Variants in CDH13 observed in about 807,000 individuals in gnomAD.
The protein encoded by CDH13 is cadherin 13, also known as cadherin-13.
In CDH13, 24 loss-of-function variants were observed where a neutral mutation model predicts 63.8. The ratio of observed to expected loss-of-function variants is 0.38; its 90% CI spans 0.27 to 0.53. The LOEUF is 0.53. Ranked by LOEUF, CDH13 falls within the 20% of genes least tolerant of loss-of-function variation. CDH13 has a pLI of 0.85. For missense variants in CDH13, 1,049 were observed against 903.1 expected (o/e 1.16, Z -2.07); for synonymous variants, 503 against 355.3 (o/e 1.42, Z -4.67).
intron 2 of CDH13, among the ~76,000 whole-genome samples, chr16:82,939,579 C>G (rs1472271563): frequency 6.6e-6 from 1 of 152,112 alleles, no homozygotes; most frequent in Non-Finnish European, 1.5e-5. Context: ...TACACTCTTT[C>G]AAGTATGGGT....
At chr16:83,660,367 A>G (rs1053140198) in intron 8 of CDH13, among the ~76,000 whole-genome samples, 1 of 152,184 alleles carries the variant, frequency 6.6e-6, no homozygotes, top group Admixed American at 6.5e-5. Flanking sequence ...CTCATGAGGA[A>G]TACACAACCT....
At chr16:82,666,148 A>C (rs1368726932) in intron 1 of CDH13, among the ~76,000 whole-genome samples, 1 of 152,066 alleles carries the variant, frequency 6.6e-6, no homozygotes, top group East Asian at 1.9e-4. Context: ...TTTTTTTGCC[A>C]AAAAATATAG....
chr16:83,482,832 A>C (rs149516204), intron 6 of CDH13, among the ~76,000 whole-genome samples: 128 of 152,330 alleles, frequency 8.4e-4, no homozygotes, highest in African/African-American at 3.0e-3. Flanking sequence ...GGGTGGGAGA[A>C]GGGACCCGGT....
At position 82,912,550 on chromosome 16, in the gene CDH13, C is replaced by T. The variant is rs568090682; in HGVS notation, c.157+54077C>T. Reference sequence around the variant, plus strand: ...GATGACTATGACAGGTGGGAAAGTACATAAAATAATGTGATTGAAATACTC... The same window carrying T: ...GATGACTATGACAGGTGGGAAAGTATATAAAATAATGTGATTGAAATACTC... On this transcript the variant is annotated intron_variant, in intron 2 of 13. Coordinates refer to ENST00000567109, the MANE Select transcript of CDH13 (RefSeq NM_001257.5). Among the ~76,000 whole-genome samples, 87 of 152,308 alleles carry T rather than the reference C, an allele frequency of 5.7e-4. 1 individual carries two copies. Among genetic ancestry groups the T allele is most frequent in the South Asian group, 4.6e-3 (22 of 4,830 alleles).
chr16:83,713,586 A>G (rs539594978), intron 10 of CDH13, among the ~76,000 whole-genome samples: 4 of 152,228 alleles, frequency 2.6e-5, no homozygotes, highest in African/African-American at 9.6e-5. Context: ...CACAAATGGT[A>G]TGTTCATCTA....
At chr16:83,257,243 G>C (rs1906406065) in intron 5 of CDH13, among the ~76,000 whole-genome samples, 1 of 151,832 alleles carries the variant, frequency 6.6e-6, no homozygotes, top group Non-Finnish European at 1.5e-5. Context: ...CACAGGCGAA[G>C]AGGAGAGAAA....
intron 3 of CDH13, among the ~76,000 whole-genome samples, chr16:83,116,467 A>G (rs551402245): frequency 3.3e-5 from 5 of 152,312 alleles, no homozygotes; most frequent in Admixed American, 6.5e-5. Context: ...CACACTCCTG[A>G]CCAGTCAGTG....
chr16:82,817,817 G>GAAA (rs762030378), intron 1 of CDH13, among the ~76,000 whole-genome samples: 14 of 152,034 alleles, frequency 9.2e-5, no homozygotes, highest in African/African-American at 3.1e-4. Flanking sequence ...AAAATCAAAT[G>GAAA]AAAAACCACA....
At chr16:83,633,729 A>G (rs932736690) in intron 8 of CDH13, among the ~76,000 whole-genome samples, 4 of 152,092 alleles carry the variant, frequency 2.6e-5, no homozygotes, top group African/African-American at 7.2e-5. Flanking sequence ...CAAAATCACT[A>G]TTTATTGCCC....
At chr16:83,094,616 T>G (rs1028871416) in intron 3 of CDH13, among the ~76,000 whole-genome samples, 1 of 152,188 alleles carries the variant, frequency 6.6e-6, no homozygotes, top group Non-Finnish European at 1.5e-5. Context: ...TTTATAGCTG[T>G]CAGCCTCCAA....
chr16:83,140,961 A>T (rs1040457534), intron 4 of CDH13, among the ~76,000 whole-genome samples: 1 of 152,208 alleles, frequency 6.6e-6, no homozygotes, highest in Non-Finnish European at 1.5e-5. Flanking sequence ...CTATTGATGC[A>T]CAATTGCTAA....
At chr16:82,926,537 T>A (rs2042309053) in intron 2 of CDH13, among the ~76,000 whole-genome samples, 1 of 152,226 alleles carries the variant, frequency 6.6e-6, no homozygotes, top group African/African-American at 2.4e-5. Context: ...CTGAAGCTCA[T>A]TCTTGTTGAG....
At chr16:82,815,991 C>A (rs1450964806) in intron 1 of CDH13, among the ~76,000 whole-genome samples, 1 of 152,068 alleles carries the variant, frequency 6.6e-6, no homozygotes, top group Non-Finnish European at 1.5e-5. Flanking sequence ...AAATGTATTA[C>A]CAAGTATGTG....
chr16:83,277,337 G>C (rs2089023909), intron 5 of CDH13, among the ~76,000 whole-genome samples: 1 of 152,158 alleles, frequency 6.6e-6, no homozygotes, highest in Non-Finnish European at 1.5e-5. Flanking sequence ...GTTCTCCAAA[G>C]TATGGGGAGT....
chr16:82,905,432 C>CGTGTGTGTGT (rs140795057), intron 2 of CDH13, among the ~76,000 whole-genome samples: 35 of 143,530 alleles, frequency 2.4e-4, no homozygotes, highest in African/African-American at 7.2e-4. Flanking sequence ...ATGAATCACA[C>CGTGTGTGTGT]GTGTGTGTGT....
chr16:82,857,417 G>T (rs1460647862), intron 1 of CDH13, among the ~76,000 whole-genome samples: 1 of 152,164 alleles, frequency 6.6e-6, no homozygotes, highest in East Asian at 1.9e-4. Context: ...ACCAGTGGTT[G>T]GTTGTTGGGG....
At chr16:83,794,725 G>A (rs1279273393) in intron 13 of CDH13, among the ~76,000 whole-genome samples, 2 of 152,010 alleles carry the variant, frequency 1.3e-5, no homozygotes, top group African/African-American at 4.8e-5. Flanking sequence ...CAAGCTCTGT[G>A]CTGAGAGACA....
intron 1 of CDH13, among the ~76,000 whole-genome samples, chr16:82,692,290 G>C (rs763045377): frequency 2.1e-4 from 32 of 152,200 alleles, no homozygotes; most frequent in Non-Finnish European, 3.8e-4. Flanking sequence ...ATATTAGTCT[G>C]TTCTCACCCT....
chr16:82,903,624 C>T (rs2041543693), intron 2 of CDH13, among the ~76,000 whole-genome samples: 1 of 152,146 alleles, frequency 6.6e-6, no homozygotes, highest in African/African-American at 2.4e-5. Flanking sequence ...AAATGCTTCT[C>T]ACAGTTTAAT....
Sources: allele counts gnomAD v4.1 joint callset (sites outside exome capture counted in the v4.1 genomes callset), GRCh38; gene constraint gnomAD v4.1.1; transcripts MANE v1.5; gene names NCBI Gene and HGNC (gene_info 2026-07-23, HGNC 2026-07-21).